NRG3: variants seen among roughly 807,000 people sequenced by gnomAD.
The protein encoded by NRG3 is pro-neuregulin-3, membrane-bound isoform.
In NRG3, 31 loss-of-function variants were observed where a neutral mutation model predicts 66.9. The observed-to-expected ratio is 0.46, with a 90% CI of 0.35 to 0.63. The LOEUF (loss-of-function observed/expected upper bound fraction) is 0.63. Ranked by LOEUF, NRG3 falls within the 20% of genes least tolerant of loss-of-function variation. The probability of loss-of-function intolerance (pLI) is 0.00; values close to 1 mark genes in which losing one functional copy is unlikely to be tolerated. For missense variants in NRG3, 910 were observed against 878.9 expected (o/e 1.04, Z -0.45); for synonymous variants, 393 against 359.4 (o/e 1.09, Z -1.06).
intron 1 of NRG3, among the ~76,000 whole-genome samples, chr10:82,294,024 A>G (rs1589620433): frequency 6.6e-6 from 1 of 151,938 alleles, no homozygotes; most frequent in Admixed American, 6.6e-5. Context: ...GCCTTTGACA[A>G]CCTGCCAGCA....
chr10:82,497,264 A>G (rs556255069), intron 2 of NRG3, among the ~76,000 whole-genome samples: 3 of 152,196 alleles, frequency 2.0e-5, no homozygotes, highest in Non-Finnish European at 4.4e-5. Context: ...AAATTAGCAA[A>G]CAAAAATCAA....
At chr10:82,187,958 GA>G (rs56284964) in intron 1 of NRG3, among the ~76,000 whole-genome samples, 113,876 of 148,398 alleles carry the variant, frequency 0.77, 43,821 homozygotes, top group South Asian at 0.91. Context: ...CACAGAAATA[GA>G]AAAAAAAAAA....
chr10:81,888,394 C>T lies in NRG3; in HGVS notation c.823+12231C>T, dbSNP rs557471201. Among the ~76,000 whole-genome samples the T allele has an allele frequency of 6.0e-4, 91 of 152,252 alleles. 2 individuals are homozygous for T. The highest frequency in any genetic ancestry group is 2.1e-3 in the African/African-American group (88 of 41,554). ...TCCTGAGAATGGCATTATTACAGTT[C>T]TGCAAACATTAAAGTGTGATATACA... is the stretch of plus-strand genomic sequence containing the variant. On this transcript the variant is annotated intron_variant, in intron 1 of 8. Coordinates refer to ENST00000372141, the MANE Select transcript of NRG3 (RefSeq NM_001010848.4).
At chr10:82,544,644 C>A (rs1236837402) in intron 2 of NRG3, among the ~76,000 whole-genome samples, 1 of 152,118 alleles carries the variant, frequency 6.6e-6, no homozygotes, top group Non-Finnish European at 1.5e-5. Context: ...TGGAGGAGGG[C>A]TAGTTTGCTC....
intron 2 of NRG3, among the ~76,000 whole-genome samples, chr10:82,498,761 T>A (rs1383427005): frequency 6.6e-6 from 1 of 152,180 alleles, no homozygotes; most frequent in East Asian, 1.9e-4. Flanking sequence ...CTGTTGCCTG[T>A]CACTCAATGT....
intron 1 of NRG3, among the ~76,000 whole-genome samples, chr10:82,002,269 A>G (rs894014534): frequency 2.6e-5 from 4 of 152,010 alleles, no homozygotes; most frequent in South Asian, 2.1e-4. Flanking sequence ...GGACACCTCA[A>G]ACTTCTCTGA....
chr10:81,941,997 TA>T (rs1848444899), intron 1 of NRG3, among the ~76,000 whole-genome samples: 1 of 152,176 alleles, frequency 6.6e-6, no homozygotes, highest in Non-Finnish European at 1.5e-5. Flanking sequence ...GAAGTCATTT[TA>T]TCAAACTTTA....
intron 1 of NRG3, among the ~76,000 whole-genome samples, chr10:82,067,126 C>T (rs1266177868): frequency 6.6e-6 from 1 of 151,886 alleles, no homozygotes; most frequent in East Asian, 1.9e-4. Context: ...ATAACAAACC[C>T]CAAAACAGTG....
intron 1 of NRG3, among the ~76,000 whole-genome samples, chr10:82,269,121 C>T (rs1217477899): frequency 6.6e-6 from 1 of 151,940 alleles, no homozygotes; most frequent in East Asian, 1.9e-4. Context: ...TATAAATCTA[C>T]CAGCTCAGGA....
At chr10:82,363,078 G>T (rs1040078945) in intron 2 of NRG3, among the ~76,000 whole-genome samples, 27 of 152,136 alleles carry the variant, frequency 1.8e-4, no homozygotes, top group African/African-American at 6.5e-4. Flanking sequence ...AAAATTAAAA[G>T]ACAAACTGTG....
chr10:82,636,269 G>A (rs1041272922), intron 2 of NRG3, among the ~76,000 whole-genome samples: 1 of 151,744 alleles, frequency 6.6e-6, no homozygotes, highest in Admixed American at 6.6e-5. Context: ...GTAAATATGT[G>A]TACAGGCATG....
intron 3 of NRG3, among the ~76,000 whole-genome samples, chr10:82,768,063 A>C (rs931030804): frequency 6.6e-6 from 1 of 152,032 alleles, no homozygotes; most frequent in Non-Finnish European, 1.5e-5. Flanking sequence ...CTGGAGTCAC[A>C]CTCTCTCAAC....
chr10:82,227,791 C>T (rs2076243621), intron 1 of NRG3, among the ~76,000 whole-genome samples: 1 of 152,066 alleles, frequency 6.6e-6, no homozygotes, highest in Admixed American at 6.6e-5. Flanking sequence ...AGCCTTTTAC[C>T]CTTTCCACTT....
intron 2 of NRG3, among the ~76,000 whole-genome samples, chr10:82,501,592 C>T (rs12253924): frequency 0.057 from 8,712 of 152,030 alleles, 543 homozygotes; most frequent in East Asian, 0.17. Flanking sequence ...GCCAATATAC[C>T]GGGGAGCCTC....
At chr10:82,737,684 G>C (rs1224010658) in intron 2 of NRG3, among the ~76,000 whole-genome samples, 20 of 152,110 alleles carry the variant, frequency 1.3e-4, no homozygotes, top group Admixed American at 1.3e-3. Context: ...CACTTAACAA[G>C]GCTGTTCAGA....
chr10:82,589,448 A>G (rs944713800), intron 2 of NRG3, among the ~76,000 whole-genome samples: 4 of 152,164 alleles, frequency 2.6e-5, no homozygotes, highest in Non-Finnish European at 4.4e-5. Flanking sequence ...GAGAAACTTC[A>G]ACAGTCCTGA....
intron 1 of NRG3, among the ~76,000 whole-genome samples, chr10:82,026,630 AT>A (rs548232698): frequency 2.0e-5 from 3 of 151,074 alleles, no homozygotes; most frequent in African/African-American, 7.3e-5. Context: ...TATTTGGTAA[AT>A]TTTTTTGTGT....
chr10:81,955,875 C>T (rs952051043), intron 1 of NRG3, among the ~76,000 whole-genome samples: 14 of 152,154 alleles, frequency 9.2e-5, no homozygotes, highest in African/African-American at 2.7e-4. Context: ...CTCAGTATCT[C>T]CAATTATGTG....
intron 1 of NRG3, among the ~76,000 whole-genome samples, chr10:82,201,535 T>A (rs2074822996): frequency 6.6e-6 from 1 of 152,188 alleles, no homozygotes; most frequent in Admixed American, 6.5e-5. Flanking sequence ...GCTAATTTCT[T>A]GAACAATAGT....
Sources: allele counts gnomAD v4.1 joint callset (sites outside exome capture counted in the v4.1 genomes callset), GRCh38; gene constraint gnomAD v4.1.1; transcripts MANE v1.5; gene names NCBI Gene and HGNC (gene_info 2026-07-23, HGNC 2026-07-21).